The following WDR93 variants were observed in gnomAD, a reference collection of about 807,000 sequenced individuals.
The protein encoded by WDR93 is WD repeat domain 93.
WDR93 carries 73 observed loss-of-function variants against 82.9 expected under a neutral mutation model. The observed-to-expected ratio is 0.88, with a 90% CI of 0.73 to 1.07. WDR93 has a LOEUF of 1.07. WDR93 is among the 50% of genes least tolerant of loss of function. The pLI is 0.00. For missense variants in WDR93, 738 were observed against 826.0 expected (o/e 0.89, Z 1.31); for synonymous variants, 283 against 300.1 (o/e 0.94, Z 0.59).
chr15:89,728,399 T>C (rs1454125074), intron 9 of WDR93, among the ~76,000 whole-genome samples: 2 of 152,298 alleles, frequency 1.3e-5, no homozygotes, highest in Admixed American at 6.5e-5. Flanking sequence ...TGCTGTCAAG[T>C]GGACCTTAAA....
chr15:89,710,085 A>G (rs550948286), intron 4 of WDR93, among the ~76,000 whole-genome samples: 2 of 152,164 alleles, frequency 1.3e-5, no homozygotes, highest in African/African-American at 2.4e-5. Flanking sequence ...GCTTGAACCC[A>G]GGAGGCGGAG....
rs1261178048 is a variant in WDR93, at chr15:89,737,747, G to T, written c.1765+18G>T. On this transcript the variant is annotated intron_variant, in intron 15 of 16. Coordinates refer to ENST00000268130, the MANE Select transcript of WDR93 (RefSeq NM_020212.2). The stretch of plus-strand genomic sequence containing the variant: ...GCTCCGAGGTACAGAAAGGGACCAG[G>T]GCTGATGCCCACTGACCATTTCCCT... 3.7e-6 allele frequency: 6 copies of T among 1,613,968 alleles called. No individual in the cohort carries two copies. The highest frequency in any genetic ancestry group is 3.3e-5 in the Admixed American group (2 of 59,992).
chr15:89,702,368 G>A (rs1016782857), intron 2 of WDR93, among the ~76,000 whole-genome samples: 4 of 152,180 alleles, frequency 2.6e-5, no homozygotes, highest in Non-Finnish European at 5.9e-5. Context: ...CTCCCACAGT[G>A]CACAAGCTGA....
At chr15:89,713,184 T>C (rs1331403965) in intron 5 of WDR93, among the ~76,000 whole-genome samples, 1 of 151,730 alleles carries the variant, frequency 6.6e-6, no homozygotes, top group African/African-American at 2.4e-5. Context: ...CAAAGAATTT[T>C]TGGACATGTG....
rs780525124 is a variant in WDR93, at chr15:89,743,436, G to A, written c.*45G>A. On this transcript the variant is annotated 3_prime_UTR_variant, in exon 17 of 17. Transcript: ENST00000268130. Reference sequence around the variant, plus strand: ...TCTCTGAAAAGGAGGTTTCAGCCACGAGGCAGCTGCTCCCAGGACACTGAG... The same window carrying A: ...TCTCTGAAAAGGAGGTTTCAGCCACAAGGCAGCTGCTCCCAGGACACTGAG... 38 of 1,588,794 alleles carry A rather than the reference G, an allele frequency of 2.4e-5. No homozygotes were observed. The highest frequency in any genetic ancestry group is 6.7e-5 in the East Asian group (3 of 44,734).
chr15:89,735,682 GT>G, intron 14 of WDR93, 129 bp downstream of exon 14: 1 of 923,922 alleles, frequency 1.1e-6, no homozygotes, highest in Non-Finnish European at 1.7e-6. Context: ...TAGCTTTCGG[GT>G]TTACAAATAG....
At chr15:89,690,718 C>A, upstream of WDR93, 2 of 958,270 alleles carry the variant, frequency 2.1e-6, no homozygotes, top group South Asian at 1.5e-5. Flanking sequence ...ACGGTCAGTC[C>A]CAGGTTATCC....
chr15:89,713,762 CA>C, intron 5 of WDR93, among the ~76,000 whole-genome samples: 1 of 152,264 alleles, frequency 6.6e-6, no homozygotes, highest in Admixed American at 6.5e-5. Flanking sequence ...CATGAGCCAC[CA>C]CGCCTGGCGA....
chr15:89,705,668 TAA>T, intron 4 of WDR93, 50 bp downstream of exon 4: 1 of 1,220,634 alleles, frequency 8.2e-7, no homozygotes, highest in Non-Finnish European at 1.2e-6. Flanking sequence ...TGTAGCAAAT[TAA>T]GTTTATTTTT....
intron 6 of WDR93, among the ~76,000 whole-genome samples, chr15:89,716,053 AATTATT>A: frequency 6.6e-6 from 1 of 152,340 alleles, no homozygotes; most frequent in African/African-American, 2.4e-5. Flanking sequence ...AAATTAGTGA[AATTATT>A]AATATAGGAG....
At chr15:89,720,847 C>T (rs1231422312) in intron 7 of WDR93, among the ~76,000 whole-genome samples, 1 of 152,138 alleles carries the variant, frequency 6.6e-6, no homozygotes, top group African/African-American at 2.4e-5. Flanking sequence ...TTTCTCCTTT[C>T]TGTTTTTCCT....
In WDR93 at chr15:89,733,125, C is replaced by T; in HGVS notation, c.1450C>T (p.Gln484Ter). The change falls in exon 13 of 17, where the codon CAA becomes TAA. Residue 484 changes from glutamine to a stop codon, truncating the protein, a stop_gained. Transcript: ENST00000268130. LOFTEE classifies it high-confidence loss of function. ...NMYPEGQVKSQMKCVVLCTDA... is the reference protein window; with the variant it reads ...NMYPEGQVKS Reference sequence around the variant, plus strand: ...GTATCCTGAAGGTCAAGTGAAATCCCAAATGAAATGTGTGGTGCTGTGCAC... The same window carrying T: ...GTATCCTGAAGGTCAAGTGAAATCCTAAATGAAATGTGTGGTGCTGTGCAC... 6.2e-7 allele frequency: 1 copy of T among 1,614,190 alleles called. No individual in the cohort carries two copies. Among genetic ancestry groups the T allele is most frequent in the East Asian group, 2.2e-5 (1 of 44,876 alleles).
intron 8 of WDR93, among the ~76,000 whole-genome samples, chr15:89,725,110 A>G (rs542600962): frequency 2.6e-4 from 39 of 152,334 alleles, no homozygotes; most frequent in African/African-American, 8.7e-4. Context: ...ATTTGCAAGC[A>G]AGTGTGTTCC....
intron 1 of WDR93, among the ~76,000 whole-genome samples, chr15:89,698,856 A>C (rs1173094502): frequency 6.6e-6 from 1 of 151,896 alleles, no homozygotes; most frequent in Non-Finnish European, 1.5e-5. Context: ...TCTTTATGTA[A>C]ATTTCTATTT....
intron 14 of WDR93, among the ~76,000 whole-genome samples, 183 bp from the exon 15 acceptor site, chr15:89,737,390 G>A (rs1237548121): frequency 1.3e-5 from 2 of 152,162 alleles, no homozygotes; most frequent in African/African-American, 4.8e-5. Context: ...TTGGCTGAGG[G>A]GGACCCCAAG....
chr15:89,737,013 G>C (rs1026520530), intron 14 of WDR93, among the ~76,000 whole-genome samples: 18 of 152,264 alleles, frequency 1.2e-4, no homozygotes, highest in Non-Finnish European at 1.6e-4. Flanking sequence ...GGATGGTCTC[G>C]ATCTCCTGAC....
intron 6 of WDR93, among the ~76,000 whole-genome samples, 174 bp downstream of exon 6, chr15:89,715,269 A>T (rs1177989489): frequency 6.6e-6 from 1 of 152,110 alleles, no homozygotes; most frequent in Non-Finnish European, 1.5e-5. Flanking sequence ...AAGATATTAA[A>T]AAGTAGAGGT....
chr15:89,733,293 G>A, intron 13 of WDR93, 74 bp downstream of exon 13: 1 of 1,420,394 alleles, frequency 7.0e-7, no homozygotes, highest in Non-Finnish European at 9.7e-7. Context: ...AGTAAAATCT[G>A]ACAGCCTCTC....
At chr15:89,708,657 G>T (rs1965827917) in intron 4 of WDR93, among the ~76,000 whole-genome samples, 1 of 152,208 alleles carries the variant, frequency 6.6e-6, no homozygotes, top group Non-Finnish European at 1.5e-5. Flanking sequence ...GACACAGACA[G>T]TCATAAAAGA....
Sources: gnomAD v4.1 joint callset for allele counts (sites outside exome capture counted in the v4.1 genomes callset) on GRCh38, gnomAD v4.1.1 for gene constraint, MANE v1.5 for transcripts, NCBI Gene and HGNC (gene_info 2026-07-23, HGNC 2026-07-21) for gene names.